MAGI1: variants seen among roughly 807,000 people sequenced by gnomAD.
MAGI1 encodes membrane associated guanylate kinase, WW and PDZ domain containing 1, also known as membrane-associated guanylate kinase, WW and PDZ domain-containing protein 1.
Under a neutral mutation model 139.9 loss-of-function variants are expected in MAGI1, and 58 were observed. The observed-to-expected ratio is 0.41, with a 90% CI of 0.34 to 0.52. The LOEUF is 0.52. Ranked by LOEUF, MAGI1 falls within the 20% of genes least tolerant of loss-of-function variation. The pLI, the probability that MAGI1 is intolerant of heterozygous loss-of-function variation, is 0.12. For missense variants in MAGI1, 1,874 were observed against 1,901.6 expected (o/e 0.99, Z 0.27); for synonymous variants, 812 against 737.9 (o/e 1.10, Z -1.63).
At chr3:65,801,155 C>T (rs2040489076) in intron 1 of MAGI1, among the ~76,000 whole-genome samples, 1 of 152,090 alleles carries the variant, frequency 6.6e-6, no homozygotes, top group South Asian at 2.1e-4. Flanking sequence ...TCTAATGTTT[C>T]CAATGAAATA....
At chr3:65,622,429 A>C (rs960009262) in intron 1 of MAGI1, among the ~76,000 whole-genome samples, 7 of 152,200 alleles carry the variant, frequency 4.6e-5, no homozygotes, top group African/African-American at 1.7e-4. Context: ...TGAAACCTTA[A>C]AGAAGACAAT....
chr3:65,862,906 T>C (rs1196394855), intron 1 of MAGI1, among the ~76,000 whole-genome samples: 1 of 152,184 alleles, frequency 6.6e-6, no homozygotes, highest in Non-Finnish European at 1.5e-5. Context: ...TAACATTACC[T>C]TTCTCCATTC....
chr3:65,610,752 A>ATATATATACT (rs201546372), intron 2 of MAGI1, among the ~76,000 whole-genome samples: 2 of 123,258 alleles, frequency 1.6e-5, no homozygotes, highest in African/African-American at 3.1e-5. Context: ...GTATATATAC[A>ATATATATACT]GTATATATAT....
chr3:65,368,571 T>G (rs1427930314), intron 18 of MAGI1, among the ~76,000 whole-genome samples: 2 of 152,188 alleles, frequency 1.3e-5, no homozygotes, highest in East Asian at 3.8e-4. Flanking sequence ...AGCCTCCCCT[T>G]ACGGAATCCA....
chr3:65,842,057 G>C (rs904425380), intron 1 of MAGI1, among the ~76,000 whole-genome samples: 1 of 152,100 alleles, frequency 6.6e-6, no homozygotes, highest in Non-Finnish European at 1.5e-5. Flanking sequence ...TACCTTTCCA[G>C]TTCCTGCTCC....
chr3:65,543,089 G>A (rs1384447287), intron 2 of MAGI1, among the ~76,000 whole-genome samples: 3 of 152,004 alleles, frequency 2.0e-5, no homozygotes, highest in East Asian at 3.9e-4. Context: ...CAAAAAGTAG[G>A]CAAAGGATAT....
In MAGI1 at chr3:66,031,053, C is replaced by T. The variant is rs114393792; in HGVS notation, c.313+6943G>A. On this transcript the variant is annotated intron_variant, in intron 1 of 22. Coordinates refer to ENST00000402939, the MANE Select transcript of MAGI1 (RefSeq NM_001033057.2). Reference sequence around the variant, plus strand: ...ATAAGAAATACTACATCGATGCCGACCTCCATAGGGGAGAAGTCTAGCAAT... The same window carrying T: ...ATAAGAAATACTACATCGATGCCGATCTCCATAGGGGAGAAGTCTAGCAAT... 5.7e-3 allele frequency among the ~76,000 whole-genome samples: 870 copies of T among 152,306 alleles called. 9 individuals carry two copies. Among genetic ancestry groups the T allele is most frequent in the African/African-American group, 0.019 (789 of 41,562 alleles).
chr3:65,950,090 CAAACA>C lies in MAGI1; in HGVS notation c.313+87901_313+87905del, dbSNP rs1560045808. Among the ~76,000 whole-genome samples the C allele has an allele frequency of 3.4e-3, 58 of 17,072 alleles. 2 individuals carry two copies. The highest frequency in any genetic ancestry group is 4.3e-3 in the Non-Finnish European group (33 of 7,622). 11.2% of individuals were successfully genotyped at this position (17,072 alleles called of 152,430 possible). ...AACAAAAAAAAAACAAAAAAAAAAA[CAAACA>C]AAAAAAAAAAACAGAACTAGCAATA... On this transcript the variant is annotated intron_variant, in intron 1 of 22. Coordinates refer to ENST00000402939, the MANE Select transcript of MAGI1 (RefSeq NM_001033057.2).
chr3:65,649,728 A>T (rs557869087), intron 1 of MAGI1, among the ~76,000 whole-genome samples: 1 of 152,216 alleles, frequency 6.6e-6, no homozygotes, highest in Non-Finnish European at 1.5e-5. Context: ...ACTAAAGAAG[A>T]TAGTGATGGC....
Position 65,379,352 on chromosome 3 carries a change from G to A in MAGI1, c.2904C>T (p.Pro968=), listed in dbSNP as rs1942847036. ...GSGVVSTVVQ[P]YDVEIRRGEN... is the part of the protein sequence containing the mutation. ...CCCCGCGCCGGATCTCCACGTCGTA[G>A]GGCTGCACCACGGTGCTGACCACGC... Residue 968 remains proline, a synonymous_variant, in exon 17 of 23, where the codon CCC becomes CCT. Transcript: ENST00000402939. The A allele has an allele frequency of 6.2e-7, 1 of 1,613,190 alleles. No individual in the cohort carries two copies. Among genetic ancestry groups the A allele is most frequent in the African/African-American group, 1.3e-5 (1 of 74,906 alleles).
chr3:65,377,044 G>A (rs1307469374), intron 17 of MAGI1, among the ~76,000 whole-genome samples: 2 of 152,174 alleles, frequency 1.3e-5, no homozygotes, highest in Admixed American at 6.5e-5. Flanking sequence ...AGGTAGTTAT[G>A]CAGTTGAGTT....
rs373137514 is a variant in MAGI1 at position 65,437,265 on chromosome 3, A to G, written c.1271-18T>C. ...TGTCCATTCTATGAAAAAGAAAAGA[A>G]AGTTTCCTATTTTTCCTTCAAATGG... is the stretch of plus-strand genomic sequence containing the variant. On this transcript the variant is annotated intron_variant, in intron 9 of 22. Coordinates refer to ENST00000402939, the MANE Select transcript of MAGI1 (RefSeq NM_001033057.2). The G allele has an allele frequency of 2.9e-5, 45 of 1,544,662 alleles. No homozygotes were observed. In the African/African-American group the frequency reaches 5.9e-4, roughly 20 times the overall value.
intron 18 of MAGI1, among the ~76,000 whole-genome samples, chr3:65,367,932 T>C (rs542189148): frequency 4.0e-4 from 61 of 152,358 alleles, no homozygotes; most frequent in African/African-American, 1.2e-3. Context: ...GGCTAGATTT[T>C]ATAAGCCATC....
chr3:65,669,084 C>T (rs2086700705), intron 1 of MAGI1, among the ~76,000 whole-genome samples: 1 of 151,596 alleles, frequency 6.6e-6, no homozygotes, highest in Non-Finnish European at 1.5e-5. Context: ...TTACAGGTGC[C>T]TGCCACCAAG....
intron 1 of MAGI1, among the ~76,000 whole-genome samples, chr3:66,029,233 C>G (rs1303933539): frequency 6.6e-6 from 1 of 152,132 alleles, no homozygotes; most frequent in African/African-American, 2.4e-5. Context: ...ATGAGCAGTA[C>G]TACGGTCCTG....
At chr3:65,826,432 G>GC (rs2042234939) in intron 1 of MAGI1, among the ~76,000 whole-genome samples, 1 of 152,198 alleles carries the variant, frequency 6.6e-6, no homozygotes, top group African/African-American at 2.4e-5. Flanking sequence ...AGCATTCTGT[G>GC]CAAATTCTTA....
chr3:65,858,256 T>C (rs2059433395), intron 1 of MAGI1, among the ~76,000 whole-genome samples: 2 of 152,238 alleles, frequency 1.3e-5, no homozygotes, highest in African/African-American at 4.8e-5. Context: ...TTCTGCTCCA[T>C]GTTGACATAA....
At chr3:65,657,445 A>AC (rs1030759831) in intron 1 of MAGI1, among the ~76,000 whole-genome samples, 3 of 151,742 alleles carry the variant, frequency 2.0e-5, no homozygotes, top group Non-Finnish European at 2.9e-5. Context: ...AAAAAAAAAA[A>AC]AAAACACATA....
intron 5 of MAGI1, among the ~76,000 whole-genome samples, chr3:65,467,799 CTT>C (rs1950263302): frequency 6.6e-6 from 1 of 152,178 alleles, no homozygotes; most frequent in Non-Finnish European, 1.5e-5. Context: ...TTATCCTTCC[CTT>C]TTCTCAGCGT....
Sources: gnomAD v4.1 joint callset for allele counts (sites outside exome capture counted in the v4.1 genomes callset) on GRCh38, gnomAD v4.1.1 for gene constraint, MANE v1.5 for transcripts, NCBI Gene and HGNC (gene_info 2026-07-23, HGNC 2026-07-21) for gene names.